ANKRD13A: variants seen among roughly 807,000 people sequenced by gnomAD.
ANKRD13A encodes ankyrin repeat domain 13A, also known as ankyrin repeat domain-containing protein 13A.
A neutral mutation model predicts 81.3 loss-of-function variants in ANKRD13A; 48 were observed. That is an observed-to-expected ratio of 0.59 (90% confidence interval 0.47 to 0.75). The LOEUF is 0.75. Ranked by LOEUF, ANKRD13A falls within the 30% of genes least tolerant of loss-of-function variation. The probability of loss-of-function intolerance (pLI) is 0.00; values close to 1 mark genes in which losing one functional copy is unlikely to be tolerated. For synonymous variants in ANKRD13A, 230 were observed against 270.1 expected (o/e 0.85, Z 1.45); for missense variants, 612 against 734.0 (o/e 0.83, Z 1.92).
chr12:109,999,403 T>A (rs946426884), upstream of ANKRD13A: 1 of 182,446 alleles, frequency 5.5e-6, no homozygotes, highest in African/African-American at 2.4e-5. The surrounding 1 kb of genome is among the most constrained non-coding windows in gnomAD (Gnocchi z 4.3). Context: ...CTCTCCGCAC[T>A]TCCCTGTTTG....
Position 110,027,764 on chromosome 12 carries a change from G to T in ANKRD13A, c.943G>T (p.Gly315Trp), listed in dbSNP as rs781431177. ...TGTGGAACACCAATTTGGTGCACAA[G>T]GGGTAAGTTGAAGCAATGAGCTTTC... ...GTVEHQFGAQ[G>W]DLTTECATAN... The change falls in exon 9 of 15, where the codon GGG becomes TGG. Residue 315 changes from glycine to tryptophan, a missense_variant and splice_region_variant. Transcript: ENST00000261739. 6.2e-7 allele frequency: 1 copy of T among 1,614,160 alleles called. No individual in the cohort carries two copies. The highest frequency in any genetic ancestry group is 2.2e-5 in the East Asian group (1 of 44,884).
chr12:110,011,241 G>A (rs959534768), intron 1 of ANKRD13A, among the ~76,000 whole-genome samples: 1 of 152,222 alleles, frequency 6.6e-6, no homozygotes, highest in Non-Finnish European at 1.5e-5. Context: ...AAATTGCTGC[G>A]TGGCTCTGGA....
chr12:110,005,517 C>T (rs1890197487), intron 1 of ANKRD13A, among the ~76,000 whole-genome samples: 1 of 152,194 alleles, frequency 6.6e-6, no homozygotes, highest in South Asian at 2.1e-4. Flanking sequence ...CCCAGGCAAC[C>T]TGCTAACCTA....
intron 8 of ANKRD13A, among the ~76,000 whole-genome samples, 170 bp downstream of exon 8, chr12:110,025,993 G>C (rs563243240): frequency 6.9e-6 from 1 of 145,548 alleles, no homozygotes; most frequent in Non-Finnish European, 1.5e-5. Flanking sequence ...GCAAAGTCTC[G>C]CCCTGTCACC....
chr12:110,037,483 T>A lies in ANKRD13A; in HGVS notation c.1702T>A (p.Trp568Arg). The change falls in exon 15 of 15, where the codon TGG (tryptophan) becomes AGG (arginine). Residue 568 changes from tryptophan (W) to arginine (R), a missense_variant. Coordinates refer to ENST00000261739, the MANE Select transcript of ANKRD13A (RefSeq NM_033121.2). ...GCTCTCTGCCAAAGAGCTGGAGGAA[T>A]GGGAGCTCCGGCTCCAGGAGGAAGA... ...MELSAKELEEWELRLQEEEAE... is the reference protein window; with the variant it reads ...MELSAKELEERELRLQEEEAE... The A allele has an allele frequency of 6.2e-7, 1 of 1,614,176 alleles. No homozygotes were observed. The highest frequency in any genetic ancestry group is 8.5e-7 in the Non-Finnish European group (1 of 1,180,032).
chr12:110,020,273 A>G (rs1891013940), intron 6 of ANKRD13A, among the ~76,000 whole-genome samples: 1 of 152,206 alleles, frequency 6.6e-6, no homozygotes, highest in Non-Finnish European at 1.5e-5. Context: ...GAGAAAATGG[A>G]CACTATTATC....
chr12:110,008,898 T>A (rs1221700672), intron 1 of ANKRD13A, among the ~76,000 whole-genome samples: 8 of 152,098 alleles, frequency 5.3e-5, no homozygotes, highest in Non-Finnish European at 4.4e-5. Flanking sequence ...AAAAAACCCA[T>A]CTGGGCCTGC....
intron 7 of ANKRD13A, among the ~76,000 whole-genome samples, chr12:110,024,458 T>C (rs1166230822): frequency 6.6e-6 from 1 of 152,082 alleles, no homozygotes; most frequent in Non-Finnish European, 1.5e-5. Context: ...TGTGTTCAAA[T>C]GTTGTGTAGT....
At position 109,999,828 on chromosome 12, in the gene ANKRD13A, G is replaced by C; in HGVS notation, c.96+44G>C. On this transcript the variant is annotated intron_variant, in intron 1 of 14. Transcript: ENST00000261739. The surrounding 1 kb of genome is among the most constrained non-coding windows in gnomAD (Gnocchi z 4.3). ...GTCCGTCTCCCGGTGGGGACTTCGG[G>C]GAATCGGGGGTCGTTTCGCCTCCCT... 1 of 1,475,280 alleles carries C rather than the reference G, an allele frequency of 6.8e-7. No individual in the cohort carries two copies. The highest frequency in any genetic ancestry group is 1.4e-5 in the African/African-American group (1 of 69,900). 91.4% of individuals were successfully genotyped at this position (1,475,280 alleles called of 1,614,324 possible). A position where few individuals can be genotyped will look rare whatever the true frequency, so the allele number is the denominator to read the frequency against.
Position 110,008,370 on chromosome 12 carries a change from C to A in ANKRD13A, c.97-3635C>A, listed in dbSNP as rs1264047936. On this transcript the variant is annotated intron_variant, in intron 1 of 14. Coordinates refer to ENST00000261739, the MANE Select transcript of ANKRD13A (RefSeq NM_033121.2). ...TCTCAGTTGGTCATAGTGTATAATACCCTTTTTATATGTTGCTGAATTTAG... is the reference window on the plus strand; with the variant it reads ...TCTCAGTTGGTCATAGTGTATAATAACCTTTTTATATGTTGCTGAATTTAG... 2.0e-5 allele frequency among the ~76,000 whole-genome samples: 3 copies of A among 152,078 alleles called. No individual in the cohort carries two copies. The East Asian group carries it at 5.8e-4, about 29-fold the overall frequency.
At chr12:110,030,386 C>G (rs536141625) in intron 11 of ANKRD13A, among the ~76,000 whole-genome samples, 3 of 152,030 alleles carry the variant, frequency 2.0e-5, no homozygotes, top group Non-Finnish European at 4.4e-5. Context: ...AGGCTGGTCT[C>G]GAACTCCTGA....
chr12:110,012,197 C>A, intron 2 of ANKRD13A, 60 bp downstream of exon 2: 1 of 1,517,656 alleles, frequency 6.6e-7, no homozygotes, highest in Non-Finnish European at 8.9e-7. Context: ...AACCCTGTCT[C>A]TACAAAAAAA....
chr12:110,034,884 G>A (rs1436049048), intron 13 of ANKRD13A, among the ~76,000 whole-genome samples: 1 of 152,224 alleles, frequency 6.6e-6, no homozygotes, highest in African/African-American at 2.4e-5. Flanking sequence ...CAGGTGCTGG[G>A]AATTCTCTGG....
Position 110,039,019 on chromosome 12 carries a change from T to C in ANKRD13A, c.*1465T>C, listed in dbSNP as rs961456413. 1 of 152,008 alleles carries C rather than the reference T, an allele frequency of 6.6e-6. No individual in the cohort carries two copies. The highest frequency in any genetic ancestry group is 1.5e-5 in the Non-Finnish European group (1 of 67,994). 9.4% of individuals were successfully genotyped at this position (152,008 alleles called of 1,614,324 possible). A position where few individuals can be genotyped will look rare whatever the true frequency, so the allele number is the denominator to read the frequency against. ...ACAGTTAGTGTTGCCAGTGAAACGT[T>C]CCCAGATACAAAGAATTGTGCTTTT... is the stretch of plus-strand genomic sequence containing the variant. On this transcript the variant is annotated 3_prime_UTR_variant, in exon 15 of 15. Coordinates refer to ENST00000261739, the MANE Select transcript of ANKRD13A (RefSeq NM_033121.2).
chr12:110,002,648 A>G (rs1593193954), intron 1 of ANKRD13A, among the ~76,000 whole-genome samples: 2 of 151,972 alleles, frequency 1.3e-5, no homozygotes, highest in Middle Eastern at 6.8e-3. Flanking sequence ...AATTCTTATC[A>G]CCCCAGCAAT....
chr12:110,006,626 C>T (rs1012611586), intron 1 of ANKRD13A, among the ~76,000 whole-genome samples: 2 of 151,124 alleles, frequency 1.3e-5, no homozygotes, highest in African/African-American at 2.4e-5. Flanking sequence ...GATGGAGTTT[C>T]GCTCTTGTTG....
chr12:110,020,829 C>T (rs1891040829), intron 6 of ANKRD13A, among the ~76,000 whole-genome samples: 1 of 152,214 alleles, frequency 6.6e-6, no homozygotes, highest in African/African-American at 2.4e-5. Context: ...CAAGTGGCCT[C>T]ATCTCTCCAG....
At chr12:110,034,005 C>G (rs747051941) in intron 13 of ANKRD13A, 48 bp downstream of exon 13, 108 of 1,524,416 alleles carry the variant, frequency 7.1e-5, no homozygotes, top group Non-Finnish European at 9.2e-5. Flanking sequence ...AGGTCTTACC[C>G]TCTGGGTTAG....
chr12:110,018,378 T>G lies in ANKRD13A; in HGVS notation c.434T>G (p.Val145Gly). Residue 145 changes from valine (V) to glycine (G), a missense_variant, in exon 5 of 15, where the codon GTC (valine) becomes GGC (glycine). Coordinates refer to ENST00000261739, the MANE Select transcript of ANKRD13A (RefSeq NM_033121.2). The surrounding 1 kb of genome is among the most constrained non-coding windows in gnomAD (Gnocchi z 4.4). The part of the protein sequence containing the change: ...PLVSRICPND[V>G]CRIWKSGAKL... ...GTTTCTAGAATATGCCCAAATGATG[T>G]CTGTCGCATCTGGAAAAGTGGTGCC... 6.2e-7 allele frequency: 1 copy of G among 1,614,070 alleles called. No homozygotes were observed.
Sources: allele counts gnomAD v4.1 joint callset (sites outside exome capture counted in the v4.1 genomes callset), GRCh38; gene constraint gnomAD v4.1.1; non-coding constraint Gnocchi (gnomAD v3.1); transcripts MANE v1.5; gene names NCBI Gene and HGNC (gene_info 2026-07-23, HGNC 2026-07-21).